ATP9A: variants seen among roughly 807,000 people sequenced by gnomAD.
ATP9A encodes the protein probable phospholipid-transporting ATPase IIA.
Under a neutral mutation model 144.1 loss-of-function variants are expected in ATP9A, and 52 were observed. The ratio of observed to expected loss-of-function variants is 0.36; its 90% CI spans 0.29 to 0.45. The LOEUF is 0.45. Ranked by LOEUF, ATP9A falls within the 20% of genes least tolerant of loss-of-function variation. The pLI is 1.00. For synonymous variants in ATP9A, 582 were observed against 557.4 expected (o/e 1.04, Z -0.62); for missense variants, 947 against 1,392.7 (o/e 0.68, Z 5.09).
chr20:51,613,607 G>A, intron 23 of ATP9A, 70 bp downstream of exon 23: 1 of 1,465,056 alleles, frequency 6.8e-7, no homozygotes, highest in Non-Finnish European at 9.2e-7. Context: ...TGTGCAGAGG[G>A]AGCAGCTGCC....
intron 1 of ATP9A, among the ~76,000 whole-genome samples, chr20:51,748,423 A>G (rs748076940): frequency 3.3e-5 from 5 of 152,218 alleles, no homozygotes; most frequent in African/African-American, 7.2e-5. Flanking sequence ...CCGCCAGTCC[A>G]GTTCCTACAC....
chr20:51,676,291 T>A, intron 9 of ATP9A, 83 bp from the exon 10 acceptor site: 2 of 1,062,906 alleles, frequency 1.9e-6, no homozygotes, highest in Non-Finnish European at 2.7e-6. Flanking sequence ...AGTCTGATCC[T>A]CTTGAGAGAC....
At chr20:51,690,490 C>T (rs1331072173) in intron 8 of ATP9A, among the ~76,000 whole-genome samples, 1 of 152,174 alleles carries the variant, frequency 6.6e-6, no homozygotes, top group Non-Finnish European at 1.5e-5. Context: ...CGCCAGCGTT[C>T]ACATGAATTG....
chr20:51,761,801 A>T (rs987632912), intron 1 of ATP9A, among the ~76,000 whole-genome samples: 3 of 151,972 alleles, frequency 2.0e-5, no homozygotes, highest in Non-Finnish European at 2.9e-5. Flanking sequence ...GGCTTAAAAC[A>T]ATGCAAGTTT....
At position 51,657,188 on chromosome 20, in the gene ATP9A, G is replaced by A. The variant is rs77386488; in HGVS notation, c.1294-38C>T. 5.5e-3 allele frequency: 8,605 copies of A among 1,556,554 alleles called. 368 individuals are homozygous for A. The African/African-American group carries it at 0.1, about 18-fold the overall frequency. On this transcript the variant is annotated intron_variant, in intron 13 of 27. Transcript: ENST00000338821. Reference sequence around the variant, plus strand: ...GAAATGAACAAGGAAGATGACCAGAGGCAGGAATGATTTGGAGAGTGGAAG... The same window carrying A: ...GAAATGAACAAGGAAGATGACCAGAAGCAGGAATGATTTGGAGAGTGGAAG...
intron 14 of ATP9A, among the ~76,000 whole-genome samples, chr20:51,643,896 G>C (rs1247402162): frequency 1.3e-5 from 2 of 152,124 alleles, no homozygotes; most frequent in African/African-American, 2.4e-5. Context: ...AGCACTTTGG[G>C]AGGCCGAGGC....
chr20:51,719,209 G>T (rs1019841501), intron 3 of ATP9A, among the ~76,000 whole-genome samples: 2 of 152,050 alleles, frequency 1.3e-5, no homozygotes, highest in African/African-American at 4.8e-5. Context: ...AGGGCCTCCT[G>T]AGCCCAGAAG....
intron 1 of ATP9A, among the ~76,000 whole-genome samples, chr20:51,752,617 C>A (rs1206814081): frequency 6.6e-6 from 1 of 152,078 alleles, no homozygotes; most frequent in East Asian, 1.9e-4. Flanking sequence ...CTGAAATATC[C>A]AAAAACAAGG....
chr20:51,720,532 G>A (rs888349130), intron 3 of ATP9A, among the ~76,000 whole-genome samples: 1 of 152,094 alleles, frequency 6.6e-6, no homozygotes, highest in Admixed American at 6.6e-5. Context: ...CAGTTTATAA[G>A]GTAAAGCCCA....
chr20:51,628,492 C>A (rs1366975753), intron 16 of ATP9A, among the ~76,000 whole-genome samples: 1 of 152,230 alleles, frequency 6.6e-6, no homozygotes, highest in Admixed American at 6.5e-5. Flanking sequence ...TGACTTCCAT[C>A]TTGTTTGCCC....
At chr20:51,652,920 A>G (rs2077372573) in intron 14 of ATP9A, among the ~76,000 whole-genome samples, 2 of 152,116 alleles carry the variant, frequency 1.3e-5, no homozygotes, top group Non-Finnish European at 2.9e-5. Context: ...CAACCTGGCT[A>G]ACACGGTGAA....
rs548575434 is a variant in ATP9A at position 51,598,165 on chromosome 20, G to A, written c.*3046C>T. 5 of 113,004 alleles carry A rather than the reference G, an allele frequency of 4.4e-5. No individual in the cohort carries two copies. Among genetic ancestry groups the A allele is most frequent in the African/African-American group, 1.8e-4 (5 of 28,556 alleles). The allele number at this position is 113,004 out of a possible 1,614,324, so 7.0% of individuals were successfully genotyped here. A position where few individuals can be genotyped will look rare whatever the true frequency, so the allele number is the denominator to read the frequency against. Reference sequence around the variant, plus strand: ...CTCAAGATGGAAAAACTAGTCTGGTGATTTTCTTAGAGAAAAAAAAAGAGA... The same window carrying A: ...CTCAAGATGGAAAAACTAGTCTGGTAATTTTCTTAGAGAAAAAAAAAGAGA... On this transcript the variant is annotated 3_prime_UTR_variant, in exon 28 of 28. Coordinates refer to ENST00000338821, the MANE Select transcript of ATP9A (RefSeq NM_006045.3).
At chr20:51,609,939 T>C (rs758559390) in intron 24 of ATP9A, among the ~76,000 whole-genome samples, 162 bp downstream of exon 24, 28 of 152,318 alleles carry the variant, frequency 1.8e-4, no homozygotes, top group Middle Eastern at 3.4e-3. Context: ...ACCTTGTTAA[T>C]TGAAGGAGGT....
intron 18 of ATP9A, among the ~76,000 whole-genome samples, chr20:51,624,267 G>A (rs922755167): frequency 2.0e-5 from 3 of 152,162 alleles, no homozygotes; most frequent in Non-Finnish European, 2.9e-5. Context: ...CTGTCCTCCT[G>A]CCATGGCCCT....
At chr20:51,760,856 C>T (rs2077877266) in intron 1 of ATP9A, among the ~76,000 whole-genome samples, 1 of 152,076 alleles carries the variant, frequency 6.6e-6, no homozygotes, top group South Asian at 2.1e-4. Flanking sequence ...AACCCTGTCT[C>T]TACTAAAAAT....
At chr20:51,761,068 C>G (rs2077878310) in intron 1 of ATP9A, among the ~76,000 whole-genome samples, 1 of 152,218 alleles carries the variant, frequency 6.6e-6, no homozygotes, top group South Asian at 2.1e-4. Context: ...TAATGAGAGT[C>G]CTACCTAACA....
intron 18 of ATP9A, 107 bp from the exon 19 acceptor site, chr20:51,622,279 G>A (rs753538294): frequency 1.6e-5 from 14 of 877,602 alleles, no homozygotes; most frequent in Middle Eastern, 2.7e-4. Flanking sequence ...GGTATGTTCC[G>A]TTTACCTCCT....
chr20:51,705,623 T>A (rs921134361), intron 4 of ATP9A, among the ~76,000 whole-genome samples: 10 of 152,194 alleles, frequency 6.6e-5, no homozygotes, highest in African/African-American at 2.4e-4. Context: ...CTTCATTTAG[T>A]CCTTGATCAG....
chr20:51,621,666 T>C (rs914064904), intron 19 of ATP9A, among the ~76,000 whole-genome samples: 1 of 152,156 alleles, frequency 6.6e-6, no homozygotes, highest in South Asian at 2.1e-4. Context: ...GATGGACCAG[T>C]ATCTGTGGCC....
Sources: allele counts gnomAD v4.1 joint callset (sites outside exome capture counted in the v4.1 genomes callset), GRCh38; gene constraint gnomAD v4.1.1; transcripts MANE v1.5; gene names NCBI Gene and HGNC (gene_info 2026-07-23, HGNC 2026-07-21).